The following TAFA4 variants were observed in gnomAD, a reference collection of about 807,000 sequenced individuals.
The protein encoded by TAFA4 is chemokine-like protein TAFA-4.
TAFA4 carries 20 observed loss-of-function variants against 21.1 expected under a neutral mutation model. The observed-to-expected ratio is 0.95, with a 90% confidence interval of 0.67 to 1.38. The LOEUF is 1.38. TAFA4 is among the 40% of genes most tolerant of loss of function. The probability of loss-of-function intolerance (pLI) is 0.00; values close to 1 mark genes in which losing one functional copy is unlikely to be tolerated. For missense variants in TAFA4, 211 were observed against 180.9 expected, an observed-to-expected ratio of 1.17 and a Z score of -0.95; for synonymous variants, 71 against 67.4, an observed-to-expected ratio of 1.05 and a Z score of -0.26.
intron 1 of TAFA4, among the ~76,000 whole-genome samples, chr3:68,931,675 C>T (rs1435980159): frequency 4.0e-5 from 6 of 151,086 alleles, no homozygotes; most frequent in Non-Finnish European, 8.8e-5. Context: ...CAGTTCTCCA[C>T]TTGGGCGGGA....
chr3:68,849,325 A>G (rs368731509), intron 3 of TAFA4, among the ~76,000 whole-genome samples: 34 of 152,200 alleles, frequency 2.2e-4, no homozygotes, highest in African/African-American at 6.0e-4. Context: ...AGTTTTCATT[A>G]ATAGAATATG....
intron 3 of TAFA4, among the ~76,000 whole-genome samples, chr3:68,835,162 C>G (rs560587539): frequency 6.6e-6 from 1 of 152,246 alleles, no homozygotes; most frequent in African/African-American, 2.4e-5. Context: ...TAGTCTTTAT[C>G]CAAATAGCAT....
At position 68,857,557 on chromosome 3, in the gene TAFA4, T is replaced by C. The variant is rs376991805; in HGVS notation, c.130+23173A>G. On this transcript the variant is annotated intron_variant, in intron 3 of 5. Transcript: ENST00000295569. ...CAGCTTTTTAAAACCATGAATACTT[T>C]ACTAATTTATCATTATCTAAAGATA... Among the ~76,000 whole-genome samples the C allele has an allele frequency of 1.2e-4, 18 of 152,268 alleles. No homozygotes were observed. The East Asian group carries it at 3.5e-3, about 29-fold the overall frequency.
intron 3 of TAFA4, among the ~76,000 whole-genome samples, chr3:68,766,903 T>G (rs978280691): frequency 6.6e-6 from 1 of 152,128 alleles, no homozygotes; most frequent in African/African-American, 2.4e-5. Flanking sequence ...ACAATTTTAT[T>G]ATACTTATCA....
intron 3 of TAFA4, among the ~76,000 whole-genome samples, chr3:68,793,382 G>A (rs552003799): frequency 3.0e-4 from 45 of 152,172 alleles, no homozygotes; most frequent in Non-Finnish European, 6.0e-4. Flanking sequence ...CTAATTGTTT[G>A]CTTGTAATTC....
At chr3:68,857,743 T>C (rs971023692) in intron 3 of TAFA4, among the ~76,000 whole-genome samples, 11 of 151,140 alleles carry the variant, frequency 7.3e-5, no homozygotes, top group African/African-American at 1.5e-4. Flanking sequence ...TTCCGACCAA[T>C]GAATGTAAGA....
intron 3 of TAFA4, among the ~76,000 whole-genome samples, chr3:68,868,010 G>A (rs904646219): frequency 6.6e-6 from 1 of 152,012 alleles, no homozygotes; most frequent in Non-Finnish European, 1.5e-5. Flanking sequence ...TAACAACCTT[G>A]AATGTAAATT....
chr3:68,735,361 C>T (rs568017055), intron 5 of TAFA4, among the ~76,000 whole-genome samples: 5 of 152,216 alleles, frequency 3.3e-5, no homozygotes, highest in African/African-American at 9.6e-5. Context: ...AGGGAGCTTA[C>T]CTTTGATGCA....
chr3:68,844,050 G>A (rs895289530), intron 3 of TAFA4, among the ~76,000 whole-genome samples: 1 of 152,130 alleles, frequency 6.6e-6, no homozygotes, highest in Non-Finnish European at 1.5e-5. Context: ...TTAGGGAGGA[G>A]TCCCTCTTTT....
At chr3:68,836,343 G>T (rs1344568323) in intron 3 of TAFA4, among the ~76,000 whole-genome samples, 2 of 152,206 alleles carry the variant, frequency 1.3e-5, no homozygotes, top group Non-Finnish European at 2.9e-5. Context: ...AAAATTAACA[G>T]GGGATAATAG....
At chr3:68,929,769 C>G (rs1033890706) in intron 1 of TAFA4, among the ~76,000 whole-genome samples, 12 of 152,198 alleles carry the variant, frequency 7.9e-5, no homozygotes, top group Non-Finnish European at 2.9e-5. Flanking sequence ...AGCTAAGCCT[C>G]TTAGTATAGA....
chr3:68,853,054 G>A (rs980578220), intron 3 of TAFA4, among the ~76,000 whole-genome samples: 1 of 151,948 alleles, frequency 6.6e-6, no homozygotes, highest in Non-Finnish European at 1.5e-5. Context: ...GAAATGCAAA[G>A]GTTCAATTAT....
chr3:68,860,546 T>C (rs896922147), intron 3 of TAFA4, among the ~76,000 whole-genome samples: 1 of 152,106 alleles, frequency 6.6e-6, no homozygotes, highest in African/African-American at 2.4e-5. Context: ...CTTTTAAAAA[T>C]AAAAACTTTG....
intron 4 of TAFA4, among the ~76,000 whole-genome samples, chr3:68,741,185 C>A (rs141578446): frequency 6.6e-6 from 1 of 152,152 alleles, no homozygotes; most frequent in African/African-American, 2.4e-5. Flanking sequence ...GTGGAAAATG[C>A]CACTGGAATT....
intron 1 of TAFA4, among the ~76,000 whole-genome samples, chr3:68,905,150 C>CTTTTTTTTTT (rs145187037): frequency 2.3e-5 from 2 of 85,262 alleles, no homozygotes; most frequent in African/African-American, 9.4e-5. Flanking sequence ...AGATTTCTGC[C>CTTTTTTTTTT]TTTTTTTTTT....
intron 3 of TAFA4, among the ~76,000 whole-genome samples, chr3:68,824,246 G>C (rs9855271): frequency 6.6e-6 from 1 of 152,082 alleles, no homozygotes. Flanking sequence ...GTAAATTTAT[G>C]ATGGTTCTAC....
chr3:68,902,376 T>G (rs1400734232), intron 1 of TAFA4, among the ~76,000 whole-genome samples: 2 of 151,120 alleles, frequency 1.3e-5, no homozygotes, highest in African/African-American at 4.9e-5. Flanking sequence ...ATCATTCACT[T>G]TTTTTTTTGG....
At position 68,835,370 on chromosome 3, in the gene TAFA4, C is replaced by T. The variant is rs551086779; in HGVS notation, c.130+45360G>A. 7.9e-5 allele frequency among the ~76,000 whole-genome samples: 12 copies of T among 152,220 alleles called. No individual in the cohort carries two copies. The South Asian group carries it at 1.2e-3, about 16-fold the overall frequency. On this transcript the variant is annotated intron_variant, in intron 3 of 5. Coordinates refer to ENST00000295569, the MANE Select transcript of TAFA4 (RefSeq NM_182522.5). The stretch of plus-strand genomic sequence containing the variant: ...GAGCTCCTTGAGGGCAAAATGTTTC[C>T]GCAGAAAAAGAACAGTATGTACCTG...
chr3:68,925,415 G>T (rs763967564), intron 1 of TAFA4, among the ~76,000 whole-genome samples: 45 of 152,132 alleles, frequency 3.0e-4, no homozygotes, highest in Non-Finnish European at 6.0e-4. Flanking sequence ...GTGATTTGTT[G>T]CCCCCAACGA....
Sources: allele counts gnomAD v4.1 joint callset (sites outside exome capture counted in the v4.1 genomes callset), GRCh38; gene constraint gnomAD v4.1.1; transcripts MANE v1.5; gene names NCBI Gene and HGNC (gene_info 2026-07-23, HGNC 2026-07-21).